Variants in SEC63 observed in about 807,000 individuals in gnomAD.
SEC63 encodes SEC63 protein translocation regulator.
SEC63 carries 56 observed loss-of-function variants against 116.2 expected under a neutral mutation model. That is an observed-to-expected ratio of 0.48 (90% confidence interval 0.39 to 0.60). The LOEUF (loss-of-function observed/expected upper bound fraction) is 0.60, where lower values mean the gene tolerates loss of function less well. Among genes scored for constraint, SEC63 ranks in the 20% least tolerant of loss-of-function variants. The probability of loss-of-function intolerance (pLI) is 0.00; values close to 1 mark genes in which losing one functional copy is unlikely to be tolerated. For synonymous variants in SEC63, 273 were observed against 294.6 expected (o/e 0.93, Z 0.75); for missense variants, 668 against 900.0 (o/e 0.74, Z 3.30).
At chr6:107,907,636 A>C (rs558334653) in intron 8 of SEC63, among the ~76,000 whole-genome samples, 2 of 152,196 alleles carry the variant, frequency 1.3e-5, no homozygotes, top group Non-Finnish European at 2.9e-5. Flanking sequence ...TATAGAAGTT[A>C]AGTGCACAGA....
chr6:107,911,477 A>T, intron 6 of SEC63, 81 bp from the exon 7 acceptor site: 1 of 897,138 alleles, frequency 1.1e-6, no homozygotes. Flanking sequence ...GAGGCTTACA[A>T]TGGGGGAGCC....
chr6:107,941,486 G>A (rs1352782815), intron 1 of SEC63, among the ~76,000 whole-genome samples: 1 of 150,456 alleles, frequency 6.6e-6, no homozygotes, highest in East Asian at 1.9e-4. Context: ...TTGGGAAACA[G>A]AGTGAGACCG....
chr6:107,882,535 G>T (rs771044093), intron 17 of SEC63, among the ~76,000 whole-genome samples: 37 of 152,062 alleles, frequency 2.4e-4, no homozygotes, highest in Non-Finnish European at 4.3e-4. Context: ...ATAAATGTTA[G>T]CTTTTCCCTT....
At chr6:107,948,361 C>T (rs1381964520) in intron 1 of SEC63, among the ~76,000 whole-genome samples, 1 of 152,174 alleles carries the variant, frequency 6.6e-6, no homozygotes, top group East Asian at 1.9e-4. Flanking sequence ...AAGTTGGTAA[C>T]CTCCTCTAGG....
At chr6:107,935,766 A>G (rs548004116) in intron 1 of SEC63, among the ~76,000 whole-genome samples, 172 of 151,906 alleles carry the variant, frequency 1.1e-3, no homozygotes, top group African/African-American at 4.1e-3. Flanking sequence ...CCTCTGCGAG[A>G]AACACCCAAG....
chr6:107,908,866 C>T, intron 8 of SEC63, 61 bp downstream of exon 8: 1 of 882,720 alleles, frequency 1.1e-6, no homozygotes, highest in Non-Finnish European at 1.9e-6. Flanking sequence ...GAATATATAT[C>T]AACCCCACAT....
At chr6:107,925,605 A>G (rs1181688229) in intron 2 of SEC63, among the ~76,000 whole-genome samples, 1 of 152,236 alleles carries the variant, frequency 6.6e-6, no homozygotes, top group Non-Finnish European at 1.5e-5. Flanking sequence ...GAGTAAAATT[A>G]TGTAAAAGAT....
chr6:107,908,962 T>C lies in SEC63; in HGVS notation c.698A>G (p.Tyr233Cys). Residue 233 changes from tyrosine to cysteine, a missense_variant, in exon 8 of 21, where the codon TAC (tyrosine) becomes TGC (cysteine). Transcript: ENST00000369002. ...CATATTTCGGGTTTTATAAACAAAG[T>C]ATGTATAAATCTGTGTTGTGCGTAT... ...ILIRTTQIYT[Y>C]FVYKTRNMDM... The C allele has an allele frequency of 1.2e-6, 2 of 1,612,284 alleles. No individual in the cohort carries two copies. Among genetic ancestry groups the C allele is most frequent in the Non-Finnish European group, 1.7e-6 (2 of 1,178,520 alleles).
intron 1 of SEC63, among the ~76,000 whole-genome samples, chr6:107,946,383 T>A (rs1475456532): frequency 6.6e-6 from 1 of 151,882 alleles, no homozygotes; most frequent in East Asian, 1.9e-4. Flanking sequence ...CAGGTATTTT[T>A]AGTAGAGACG....
At chr6:107,952,391 C>T (rs1451787944) in intron 1 of SEC63, among the ~76,000 whole-genome samples, 3 of 152,094 alleles carry the variant, frequency 2.0e-5, no homozygotes, top group African/African-American at 4.8e-5. Context: ...CATGCTGAAA[C>T]GACTGTCAAC....
chr6:107,902,544 G>A (rs1787030103), intron 12 of SEC63, among the ~76,000 whole-genome samples: 1 of 152,048 alleles, frequency 6.6e-6, no homozygotes, highest in South Asian at 2.1e-4. Flanking sequence ...AGAATAAAAT[G>A]ACTGTAAAGT....
intron 13 of SEC63, among the ~76,000 whole-genome samples, chr6:107,898,591 A>C (rs1786921061): frequency 6.6e-6 from 1 of 152,196 alleles, no homozygotes; most frequent in South Asian, 2.1e-4. Flanking sequence ...AGCACTTTTG[A>C]AAAAGTATTT....
chr6:107,876,491 A>C, intron 19 of SEC63, 73 bp downstream of exon 19: 1 of 919,984 alleles, frequency 1.1e-6, no homozygotes, highest in Non-Finnish European at 1.8e-6. Flanking sequence ...TTTTAAAAAA[A>C]AGATATATGA....
intron 17 of SEC63, among the ~76,000 whole-genome samples, chr6:107,881,792 T>C (rs2114404590): frequency 6.6e-6 from 1 of 152,320 alleles, no homozygotes; most frequent in East Asian, 1.9e-4. Context: ...CAAATCTGCC[T>C]GCCCCACTAG....
chr6:107,910,027 CATT>C (rs1349222144), intron 7 of SEC63, among the ~76,000 whole-genome samples: 1 of 151,964 alleles, frequency 6.6e-6, no homozygotes, highest in African/African-American at 2.4e-5. Context: ...AGTAAAATCT[CATT>C]AAAGGTTTTT....
At chr6:107,887,465 G>T (rs1289246947) in intron 16 of SEC63, among the ~76,000 whole-genome samples, 2 of 147,074 alleles carry the variant, frequency 1.4e-5, no homozygotes, top group East Asian at 3.9e-4. Flanking sequence ...GGATGAAATT[G>T]GAAATCATCA....
chr6:107,921,075 A>C (rs1787545202), intron 4 of SEC63, among the ~76,000 whole-genome samples: 1 of 152,222 alleles, frequency 6.6e-6, no homozygotes, highest in South Asian at 2.1e-4. Context: ...TTGTGTGACG[A>C]AATTCTAAAA....
At chr6:107,927,033 A>G (rs1787691363) in intron 2 of SEC63, among the ~76,000 whole-genome samples, 1 of 151,990 alleles carries the variant, frequency 6.6e-6, no homozygotes, top group Non-Finnish European at 1.5e-5. Flanking sequence ...TTTTCCCCAT[A>G]CTTGGCTTCA....
chr6:107,878,215 C>A (rs185062025), intron 18 of SEC63, among the ~76,000 whole-genome samples: 36 of 152,320 alleles, frequency 2.4e-4, no homozygotes, highest in African/African-American at 8.7e-4. Flanking sequence ...GACACAGAAA[C>A]CTGGGTTATT....
Sources: gnomAD v4.1 joint callset for allele counts (sites outside exome capture counted in the v4.1 genomes callset) on GRCh38, gnomAD v4.1.1 for gene constraint, MANE v1.5 for transcripts, NCBI Gene and HGNC (gene_info 2026-07-23, HGNC 2026-07-21) for gene names.